The following SIMC1 variants were observed in gnomAD, a reference collection of about 807,000 sequenced individuals.
SIMC1 encodes the protein SUMO interacting motifs containing 1, also known as SUMO-interacting motif-containing protein 1.
Under a neutral mutation model 82.3 loss-of-function variants are expected in SIMC1, and 55 were observed. The ratio of observed to expected loss-of-function variants is 0.67; its 90% CI spans 0.54 to 0.84. The LOEUF (loss-of-function observed/expected upper bound fraction) is 0.84, where lower values mean the gene tolerates loss of function less well. Ranked by LOEUF, SIMC1 falls within the 40% of genes least tolerant of loss-of-function variation. The pLI, the probability that SIMC1 is intolerant of heterozygous loss-of-function variation, is 0.00. For synonymous variants in SIMC1, 353 were observed against 426.3 expected (o/e 0.83, Z 2.12); for missense variants, 915 against 1,107.2 (o/e 0.83, Z 2.46).
chr5:176,248,788 C>G (rs892727903), intron 1 of SIMC1, among the ~76,000 whole-genome samples: 3 of 152,034 alleles, frequency 2.0e-5, no homozygotes, highest in Non-Finnish European at 4.4e-5. Flanking sequence ...TCATCAACAC[C>G]TAGTTTATGG....
At position 176,250,915 on chromosome 5, in the gene SIMC1, A is replaced by G. The variant is rs559724093; in HGVS notation, c.129+12278A>G. ...CCAATGGGTCTTGACTCTTTATCCA[A>G]TTTGCCAGTCTGAGTCTTTTAATTG... On this transcript the variant is annotated intron_variant, in intron 1 of 9. Coordinates refer to ENST00000429602, the MANE Select transcript of SIMC1 (RefSeq NM_001308195.2). Among the ~76,000 whole-genome samples the G allele has an allele frequency of 5.8e-3, 888 of 152,098 alleles. 7 individuals are homozygous for G. Among genetic ancestry groups the G allele is most frequent in the African/African-American group, 0.02 (834 of 41,480 alleles).
chr5:176,299,628 A>T (rs1763957539), intron 4 of SIMC1, among the ~76,000 whole-genome samples: 1 of 152,222 alleles, frequency 6.6e-6, no homozygotes, highest in Non-Finnish European at 1.5e-5. Context: ...CTTCCTAAAT[A>T]TATAAAGCAA....
intron 1 of SIMC1, among the ~76,000 whole-genome samples, chr5:176,284,198 C>T (rs1023943433): frequency 9.9e-5 from 15 of 152,206 alleles, no homozygotes; most frequent in African/African-American, 3.4e-4. Context: ...ACAGAACTCT[C>T]CACCCCAAAT....
intron 4 of SIMC1, among the ~76,000 whole-genome samples, chr5:176,298,422 T>C (rs909539647): frequency 1.6e-4 from 25 of 152,030 alleles, no homozygotes; most frequent in African/African-American, 6.0e-4. Context: ...TCACCTGAGG[T>C]CGGGAGTTCG....
Position 176,308,761 on chromosome 5 carries a change from T to C in SIMC1, c.1735-4930T>C. On this transcript the variant is annotated intron_variant, in intron 4 of 9. Transcript: ENST00000429602. ...GGGAAAGCGTGCCTTGAATCAGCAG[T>C]AGAGCTGCCCAAGATCCTGTGCCAG... The C allele has an allele frequency of 2.2e-6, 3 of 1,340,424 alleles. No individual in the cohort carries two copies. The Admixed American group carries it at 5.0e-5, about 23-fold the overall frequency. 83.0% of individuals were successfully genotyped at this position (1,340,424 alleles called of 1,614,324 possible). A position where few individuals can be genotyped will look rare whatever the true frequency, so the allele number is the denominator to read the frequency against.
chr5:176,273,286 T>C (rs1003203984), intron 1 of SIMC1, among the ~76,000 whole-genome samples: 1 of 152,164 alleles, frequency 6.6e-6, no homozygotes, highest in Admixed American at 6.5e-5. Flanking sequence ...TATTCACTGT[T>C]CTGCAGCCTC....
At chr5:176,329,614 TCTGA>T (rs1176629552) in intron 7 of SIMC1, among the ~76,000 whole-genome samples, 2 of 152,118 alleles carry the variant, frequency 1.3e-5, no homozygotes, top group African/African-American at 2.4e-5. Flanking sequence ...TAATCTGTTC[TCTGA>T]CTGTGTCAAA....
chr5:176,327,792 G>T (rs1004332897), intron 7 of SIMC1, among the ~76,000 whole-genome samples: 6 of 152,164 alleles, frequency 3.9e-5, no homozygotes, highest in Non-Finnish European at 4.4e-5. Context: ...TTTTTACGAA[G>T]AATAAGTATT....
At chr5:176,324,445 AG>A (rs1211996920) in intron 6 of SIMC1, among the ~76,000 whole-genome samples, 183 bp from the exon 7 acceptor site, 1 of 152,174 alleles carries the variant, frequency 6.6e-6, no homozygotes, top group African/African-American at 2.4e-5. Flanking sequence ...GGATTCAGGT[AG>A]GTGAAATTGC....
chr5:176,300,410 C>A (rs1484962683), intron 4 of SIMC1, among the ~76,000 whole-genome samples: 1 of 152,186 alleles, frequency 6.6e-6, no homozygotes, highest in East Asian at 1.9e-4. Context: ...CCTTGAACTT[C>A]TGGGCTCAAG....
At chr5:176,264,395 G>A (rs888763575) in intron 1 of SIMC1, among the ~76,000 whole-genome samples, 24 of 152,366 alleles carry the variant, frequency 1.6e-4, no homozygotes, top group African/African-American at 4.1e-4. Context: ...TACATCTTCC[G>A]AAATCTAGGT....
chr5:176,304,915 G>GAGA (rs1255449788), intron 4 of SIMC1, among the ~76,000 whole-genome samples: 2 of 136,316 alleles, frequency 1.5e-5, no homozygotes, highest in African/African-American at 5.4e-5. Context: ...CTGCCCGGCC[G>GAGA]CCCCGTCTGA....
At chr5:176,255,306 G>T (rs979130996) in intron 1 of SIMC1, among the ~76,000 whole-genome samples, 6 of 151,564 alleles carry the variant, frequency 4.0e-5, no homozygotes, top group African/African-American at 1.2e-4. Context: ...TCAAGACCAG[G>T]TGCTGTGGCT....
At chr5:176,310,870 T>A (rs1764635131) in intron 4 of SIMC1, among the ~76,000 whole-genome samples, 1 of 151,980 alleles carries the variant, frequency 6.6e-6, no homozygotes, top group African/African-American at 2.4e-5. Flanking sequence ...GTAGTCTAGA[T>A]AGCAAAAAAT....
At chr5:176,309,979 A>G (rs1048718625) in intron 4 of SIMC1, among the ~76,000 whole-genome samples, 1 of 152,156 alleles carries the variant, frequency 6.6e-6, no homozygotes, top group African/African-American at 2.4e-5. Flanking sequence ...AAACAGTCCA[A>G]TTAGAAAATG....
In SIMC1 at chr5:176,268,961, G is replaced by A. The variant is rs186543180; in HGVS notation, c.130-20693G>A. Among the ~76,000 whole-genome samples, 371 of 152,322 alleles carry A rather than the reference G, an allele frequency of 2.4e-3. 2 individuals carry two copies. The highest frequency in any genetic ancestry group is 8.4e-3 in the African/African-American group (350 of 41,578). On this transcript the variant is annotated intron_variant, in intron 1 of 9. Coordinates refer to ENST00000429602, the MANE Select transcript of SIMC1 (RefSeq NM_001308195.2). ...TATTTCAAAAGATTAAAATCTTACA[G>A]AGTATGTTTTCTGACCATAATGAAA...
chr5:176,315,592 A>C lies in SIMC1; in HGVS notation c.1889+1747A>C, dbSNP rs188979724. Among the ~76,000 whole-genome samples the C allele has an allele frequency of 2.4e-3, 365 of 152,290 alleles. 2 individuals carry two copies. Among genetic ancestry groups the C allele is most frequent in the South Asian group, 5.8e-3 (28 of 4,830 alleles). The stretch of plus-strand genomic sequence containing the variant: ...CCAGCGTCTCTTTGTTCAGAGCAGC[A>C]TTGAAACTCTTCCACATTTACGCTC... On this transcript the variant is annotated intron_variant, in intron 5 of 9. Coordinates refer to ENST00000429602, the MANE Select transcript of SIMC1 (RefSeq NM_001308195.2).
rs767190814 is a variant in SIMC1, at chr5:176,337,131, C to G, written c.2398C>G (p.Gln800Glu). The G allele has an allele frequency of 3.0e-5, 48 of 1,613,784 alleles. No homozygotes were observed. The Admixed American group carries it at 8.0e-4, about 27-fold the overall frequency. ...EHLQFLLSSY[Q>E]HVLREHLRSS... ...TCTGCAGTTTCTGCTGTCCAGTTAT[C>G]AACATGTTTTAAGAGGTAAGGAGCA... The change falls in exon 9 of 10, where the codon CAA becomes GAA. Residue 800 changes from glutamine to glutamate, a missense_variant. Gln to Glu is a conservative substitution (Grantham distance 29). Around this residue, in one of 2 missense-constraint regions of SIMC1, gnomAD observed 902 missense variants for 1,040.3 expected, o/e 0.87. Coordinates refer to ENST00000429602, the MANE Select transcript of SIMC1 (RefSeq NM_001308195.2).
At chr5:176,336,659 G>A in intron 7 of SIMC1, 61 bp from the exon 8 acceptor site, 1 of 1,581,620 alleles carries the variant, frequency 6.3e-7, no homozygotes, top group Non-Finnish European at 8.6e-7. Flanking sequence ...GGTGAATTGT[G>A]GCTCATGTTC....
Sources: allele counts gnomAD v4.1 joint callset (sites outside exome capture counted in the v4.1 genomes callset), GRCh38; gene constraint gnomAD v4.1.1; regional missense constraint gnomAD v4.1.1; transcripts MANE v1.5; gene names NCBI Gene and HGNC (gene_info 2026-07-23, HGNC 2026-07-21).